Variants in AFDN observed in about 807,000 individuals in gnomAD.
The protein encoded by AFDN is afadin.
AFDN carries 68 observed loss-of-function variants against 216.6 expected under a neutral mutation model. The observed-to-expected ratio is 0.31, with a 90% CI of 0.26 to 0.38. The LOEUF (loss-of-function observed/expected upper bound fraction) is 0.38. AFDN is among the 10% of genes least tolerant of loss of function. The pLI is 1.00. For synonymous variants in AFDN, 868 were observed against 853.7 expected (o/e 1.02, Z -0.29); for missense variants, 2,136 against 2,342.0 (o/e 0.91, Z 1.82).
intron 6 of AFDN, among the ~76,000 whole-genome samples, chr6:167,882,708 C>G (rs554225552): frequency 6.6e-6 from 1 of 152,230 alleles, no homozygotes; most frequent in Admixed American, 6.5e-5. Context: ...CAAGGAAATA[C>G]TGCTAGAATC....
At chr6:167,967,464 T>C (rs1012038239) in intron 32 of AFDN, among the ~76,000 whole-genome samples, 7 of 152,226 alleles carry the variant, frequency 4.6e-5, no homozygotes, top group Non-Finnish European at 8.8e-5. Context: ...GTTGTAAGTA[T>C]CTACAATTTG....
At chr6:167,904,750 T>G (rs1789439398) in intron 12 of AFDN, among the ~76,000 whole-genome samples, 1 of 152,176 alleles carries the variant, frequency 6.6e-6, no homozygotes, top group South Asian at 2.1e-4. Context: ...TTCCTCTGCC[T>G]CTCTGGCTTA....
In AFDN at chr6:167,947,718, A is replaced by ATT. The variant is rs374211014; in HGVS notation, c.3554-125_3554-124dup. On this transcript the variant is annotated intron_variant, in intron 27 of 33. Transcript: ENST00000683244. ...AAGACCTGATTTCTTACCTGCCTTG[A>ATT]TTTTTTTTTTTCATCTCTGTGCTGG... 83 of 490,628 alleles carry ATT rather than the reference A, an allele frequency of 1.7e-4. 1 individual carries two copies. Among genetic ancestry groups the ATT allele is most frequent in the African/African-American group, 1.4e-3 (67 of 49,118 alleles). 30.4% of individuals were successfully genotyped at this position (490,628 alleles called of 1,614,324 possible).
intron 19 of AFDN, 124 bp downstream of exon 19, chr6:167,915,557 C>G (rs982731565): frequency 8.7e-7 from 1 of 1,155,138 alleles, no homozygotes; most frequent in African/African-American, 1.6e-5. Flanking sequence ...TTCGTATGTA[C>G]AAATAATGAA....
intron 30 of AFDN, among the ~76,000 whole-genome samples, chr6:167,961,941 G>A (rs1423012598): frequency 6.6e-6 from 1 of 152,186 alleles, no homozygotes; most frequent in Non-Finnish European, 1.5e-5. Context: ...GCCCACTGGA[G>A]TCACATATGC....
rs145005647 is a variant in AFDN, at chr6:167,866,226, T to C, written c.301+1480T>C. On this transcript the variant is annotated intron_variant, in intron 2 of 33. Coordinates refer to ENST00000683244, the MANE Select transcript of AFDN (RefSeq NM_001386888.1). ...AGGTCTAAAAATTGGATGAATTTGA[T>C]TTTTTAAAGAAAAGGGTGAAAACAA... 7.9e-5 allele frequency among the ~76,000 whole-genome samples: 12 copies of C among 152,262 alleles called. No individual in the cohort carries two copies. In the East Asian group the frequency reaches 1.5e-3, roughly 20 times the overall value.
intron 1 of AFDN, among the ~76,000 whole-genome samples, chr6:167,844,872 G>GTTTTTTTTTT (rs1289118837): frequency 9.5e-5 from 13 of 137,398 alleles, no homozygotes; most frequent in Non-Finnish European, 7.8e-5. Flanking sequence ...TTTTTTTTTG[G>GTTTTTTTTTT]TTTTTGAGAC....
At chr6:167,848,073 CTT>C (rs1175223230) in intron 1 of AFDN, among the ~76,000 whole-genome samples, 2 of 152,128 alleles carry the variant, frequency 1.3e-5, no homozygotes, top group African/African-American at 4.8e-5. Flanking sequence ...TCCTAGAAGT[CTT>C]TGTTGATTTA....
intron 4 of AFDN, among the ~76,000 whole-genome samples, chr6:167,873,363 A>C (rs867692837): frequency 7.1e-4 from 108 of 152,326 alleles, no homozygotes; most frequent in African/African-American, 2.5e-3. Context: ...TTCCACTAAG[A>C]TGTTTATATT....
At chr6:167,835,362 G>A (rs1413423875) in intron 1 of AFDN, among the ~76,000 whole-genome samples, 1 of 152,216 alleles carries the variant, frequency 6.6e-6, no homozygotes, top group Non-Finnish European at 1.5e-5. Flanking sequence ...AATAAGCATA[G>A]TTGTTCTTTC....
intron 12 of AFDN, among the ~76,000 whole-genome samples, chr6:167,904,398 T>A (rs530114594): frequency 7.9e-5 from 12 of 152,062 alleles, no homozygotes; most frequent in African/African-American, 2.9e-4. Flanking sequence ...TTAGTAGAGA[T>A]CGTGTTTCGC....
At chr6:167,887,262 T>A (rs1232881754) in intron 6 of AFDN, among the ~76,000 whole-genome samples, 1 of 151,662 alleles carries the variant, frequency 6.6e-6, no homozygotes, top group East Asian at 1.9e-4. Context: ...TATAAAAGCC[T>A]ATCTTGGGAT....
chr6:167,918,673 GT>G (rs1210416185), intron 20 of AFDN, 61 bp from the exon 21 acceptor site: 67 of 1,481,312 alleles, frequency 4.5e-5, no homozygotes, highest in South Asian at 2.3e-4. Flanking sequence ...TTGAATAGTT[GT>G]TGGTCACATG....
At chr6:167,943,344 C>T (rs1470417096) in intron 24 of AFDN, 58 bp from the exon 25 acceptor site, 5 of 1,535,742 alleles carry the variant, frequency 3.3e-6, no homozygotes, top group Admixed American at 3.3e-5. Context: ...CCTTTTCTTC[C>T]TCCCGCTCTC....
chr6:167,952,197 G>A lies in AFDN; in HGVS notation c.4833+10G>A, dbSNP rs757271030. On this transcript the variant is annotated intron_variant, in intron 30 of 33. Coordinates refer to ENST00000683244, the MANE Select transcript of AFDN (RefSeq NM_001386888.1). The stretch of plus-strand genomic sequence containing the variant: ...TGAACGAAGAGCGAGGGTAAAGGGG[G>A]GAGTGCTTTGGCTGTGCCCATCTGT... The A allele has an allele frequency of 8.1e-6, 13 of 1,613,874 alleles. No individual in the cohort carries two copies. In the Admixed American group the frequency reaches 1.5e-4, roughly 19 times the overall value.
At chr6:167,870,524 G>C in intron 3 of AFDN, 26 bp downstream of exon 3, 9 of 1,479,004 alleles carry the variant, frequency 6.1e-6, no homozygotes, top group Non-Finnish European at 8.4e-6. Flanking sequence ...ATTTTATGAC[G>C]GTCTTGGTCC....
intron 2 of AFDN, among the ~76,000 whole-genome samples, chr6:167,866,917 C>T (rs1441864835): frequency 1.3e-5 from 2 of 152,214 alleles, no homozygotes; most frequent in African/African-American, 4.8e-5. Context: ...AGCTAAAGCC[C>T]CAGCCCCAAA....
chr6:167,966,289 C>T (rs1197849529), intron 32 of AFDN: 1 of 1,486,500 alleles, frequency 6.7e-7, no homozygotes, highest in Non-Finnish European at 9.0e-7. Context: ...AAAAGAGTGA[C>T]AAATCAGCTC....
chr6:167,927,324 G>C (rs118092277), intron 23 of AFDN, among the ~76,000 whole-genome samples: 1 of 152,050 alleles, frequency 6.6e-6, no homozygotes, highest in Non-Finnish European at 1.5e-5. Context: ...TAGAAGAAAC[G>C]AGTCTTGTGT....
Sources: allele counts gnomAD v4.1 joint callset (sites outside exome capture counted in the v4.1 genomes callset), GRCh38; gene constraint gnomAD v4.1.1; transcripts MANE v1.5; gene names NCBI Gene and HGNC (gene_info 2026-07-23, HGNC 2026-07-21).